SKIC8: variants seen among roughly 807,000 people sequenced by gnomAD.
SKIC8 encodes the protein SKI8 subunit of superkiller complex, also known as superkiller complex protein 8.
chr15:78,294,891 AG>A, the SKIC8 span: 1 of 1,611,606 alleles, frequency 6.2e-7, no homozygotes, highest in Non-Finnish European at 8.5e-7. Flanking sequence ...GTCTTAAACC[AG>A]GGACAACACA....
chr15:78,290,131 T>C, the SKIC8 span: 1 of 1,589,200 alleles, frequency 6.3e-7, no homozygotes, highest in South Asian at 1.2e-5. Flanking sequence ...AAAAATACAG[T>C]GTGAAAAGAC....
chr15:78,287,895 T>C, the SKIC8 span, among the ~76,000 whole-genome samples: 1 of 152,154 alleles, frequency 6.6e-6, no homozygotes, highest in African/African-American at 2.4e-5. Context: ...CAGAGGCATG[T>C]CTGCTAGAAC....
At chr15:78,296,320 C>T in the SKIC8 span, among the ~76,000 whole-genome samples, 2 of 152,068 alleles carry the variant, frequency 1.3e-5, no homozygotes, top group African/African-American at 2.4e-5. Context: ...GCAGGAGAAT[C>T]ACTTGAACCT....
the SKIC8 span, chr15:78,299,575 G>A: frequency 1.5e-3 from 222 of 152,540 alleles, no homozygotes; most frequent in South Asian, 1.7e-3. Context: ...TGCACTGCCA[G>A]GCTGCACGTC....
chr15:78,286,240 C>T, the SKIC8 span: 1 of 917,348 alleles, frequency 1.1e-6, no homozygotes, highest in East Asian at 2.7e-5. Context: ...ACCAAATCTG[C>T]TATCCTTATA....
At chr15:78,285,973 G>T in the SKIC8 span, 1 of 1,305,202 alleles carries the variant, frequency 7.7e-7, no homozygotes, top group Non-Finnish European at 1.1e-6. Flanking sequence ...AAATGTTAAG[G>T]CAATCTATAC....
the SKIC8 span, chr15:78,295,860 C>T: frequency 1.6e-6 from 1 of 641,646 alleles, no homozygotes; most frequent in Non-Finnish European, 2.5e-6. Flanking sequence ...TGGATCAGTC[C>T]CTGGAACCTC....
chr15:78,292,141 A>G, the SKIC8 span: 1 of 158,612 alleles, frequency 6.3e-6, no homozygotes, highest in Non-Finnish European at 1.4e-5. Context: ...AGAGATGACC[A>G]TGATACAGAT....
chr15:78,289,581 G>T, the SKIC8 span: 1 of 1,455,846 alleles, frequency 6.9e-7, no homozygotes, highest in Non-Finnish European at 9.6e-7. Context: ...TTTGTGATTT[G>T]ATAACCCAGT....
chr15:78,288,202 ACTAGGGCTCCTCC>A, the SKIC8 span: 3 of 1,398,860 alleles, frequency 2.1e-6, no homozygotes, highest in South Asian at 3.7e-5. Flanking sequence ...ACAGGTCTTT[ACTAGGGCTCCTCC>A]CTAGGGCTCC....
At chr15:78,299,366 T>A in the SKIC8 span, 1 of 152,642 alleles carries the variant, frequency 6.6e-6, no homozygotes, top group Non-Finnish European at 1.5e-5. Context: ...CCCACTCCCC[T>A]CAGGCCCCGT....
the SKIC8 span, chr15:78,289,722 G>A: frequency 5.6e-6 from 9 of 1,611,182 alleles, no homozygotes; most frequent in Non-Finnish European, 7.6e-6. Flanking sequence ...TCTGTTCAGA[G>A]AACATATGGA....
At chr15:78,295,880 C>T in the SKIC8 span, 3 of 530,598 alleles carry the variant, frequency 5.7e-6, no homozygotes, top group Non-Finnish European at 9.6e-6. Context: ...CCTTCGCACT[C>T]CCTACCAGGT....
the SKIC8 span, chr15:78,288,272 C>T: frequency 6.2e-7 from 1 of 1,612,974 alleles, no homozygotes; most frequent in South Asian, 1.1e-5. Flanking sequence ...AAGGGAGATG[C>T]CTTTAAGGTA....
chr15:78,283,939 G>C, the SKIC8 span: 3 of 155,704 alleles, frequency 1.9e-5, no homozygotes, highest in African/African-American at 7.2e-5. Flanking sequence ...CTCCTCAGCT[G>C]ACCCCTTGTG....
At chr15:78,293,183 C>G in the SKIC8 span, 1 of 1,614,060 alleles carries the variant, frequency 6.2e-7, no homozygotes, top group Non-Finnish European at 8.5e-7. Flanking sequence ...CAGACCTTCA[C>G]CAGGTCATCT....
the SKIC8 span, chr15:78,289,782 C>G: frequency 3.2e-6 from 5 of 1,544,188 alleles, no homozygotes; most frequent in Non-Finnish European, 4.5e-6. Context: ...CTACCAAACA[C>G]AAGCAAACCT....
the SKIC8 span, chr15:78,283,526 A>T: frequency 6.2e-7 from 1 of 1,602,570 alleles, no homozygotes. Flanking sequence ...CCAGACCTGT[A>T]AATTTAAAAA....
At chr15:78,293,143 G>A in the SKIC8 span, 1 of 1,601,870 alleles carries the variant, frequency 6.2e-7, no homozygotes, top group African/African-American at 1.3e-5. Context: ...TTCCAAGGCT[G>A]TATGTTAGGG....
Sources: allele counts gnomAD v4.1 joint callset (sites outside exome capture counted in the v4.1 genomes callset), GRCh38; gene constraint gnomAD v4.1.1; transcripts MANE v1.5; gene names NCBI Gene and HGNC (gene_info 2026-07-23, HGNC 2026-07-21).